The following CHST9 variants were observed in gnomAD, a reference collection of about 807,000 sequenced individuals.
CHST9 encodes carbohydrate sulfotransferase 9.
A neutral mutation model predicts 44.4 loss-of-function variants in CHST9; 41 were observed. The ratio of observed to expected loss-of-function variants is 0.92; its 90% CI spans 0.72 to 1.20. The LOEUF is 1.20. CHST9 is among the 50% of genes most tolerant of loss of function. The pLI is 0.00. For synonymous variants in CHST9, 171 were observed against 178.4 expected, an observed-to-expected ratio of 0.96 and a Z score of 0.33; for missense variants, 504 against 516.5, an observed-to-expected ratio of 0.98 and a Z score of 0.23.
intron 2 of CHST9, among the ~76,000 whole-genome samples, chr18:27,112,454 A>G (rs2058279832): frequency 6.6e-6 from 1 of 151,966 alleles, no homozygotes; most frequent in African/African-American, 2.4e-5. Flanking sequence ...CTTTGTGCAT[A>G]AGGCAAAATT....
intron 4 of CHST9, among the ~76,000 whole-genome samples, chr18:27,023,055 T>C (rs1405587327): frequency 6.6e-6 from 1 of 152,216 alleles, no homozygotes; most frequent in East Asian, 1.9e-4. Context: ...TGGTCTGATT[T>C]TGTCTTTTTC....
chr18:26,991,078 T>G (rs1333367031), intron 4 of CHST9, among the ~76,000 whole-genome samples: 1 of 152,136 alleles, frequency 6.6e-6, no homozygotes, highest in African/African-American at 2.4e-5. Flanking sequence ...CACTTACATA[T>G]TAAAATAATC....
At position 26,938,105 on chromosome 18, in the gene CHST9, T is replaced by C. The variant is rs8096203; in HGVS notation, c.240+6224A>G. 6.0e-3 allele frequency among the ~76,000 whole-genome samples: 911 copies of C among 152,280 alleles called. 11 individuals carry two copies. Among genetic ancestry groups the C allele is most frequent in the African/African-American group, 0.021 (852 of 41,554 alleles). The stretch of plus-strand genomic sequence containing the variant: ...ACCACTATTTTCTTCTTGGTGGTCA[T>C]GCTTTTAAAACATCTGAAGGCCATA... On this transcript the variant is annotated intron_variant, in intron 5 of 5. Transcript: ENST00000618847.
chr18:27,142,778 T>G lies in CHST9; in HGVS notation c.32A>C (p.Lys11Thr), dbSNP rs1446039094. The change falls in exon 2 of 6, where the codon AAA becomes ACA. Residue 11 changes from lysine to threonine, a missense_variant. By Grantham distance (78) the Lys-to-Thr change is moderately conservative (BLOSUM62 -1). Coordinates refer to ENST00000618847, the MANE Select transcript of CHST9 (RefSeq NM_031422.6). Reference sequence around the variant, plus strand: ...TATCAGCACAGAGAGGAAGACTTGTTTGGGGTTCATGACCATTTCAGATGG... The same window carrying G: ...TATCAGCACAGAGAGGAAGACTTGTGTGGGGTTCATGACCATTTCAGATGG... MQPSEMVMNPKQVFLSVLIFG... is the reference protein window; with the variant it reads MQPSEMVMNPTQVFLSVLIFG... 1 of 1,611,556 alleles carries G rather than the reference T, an allele frequency of 6.2e-7. No individual in the cohort carries two copies. Among genetic ancestry groups the G allele is most frequent in the Non-Finnish European group, 8.5e-7 (1 of 1,178,890 alleles).
Position 27,142,906 on chromosome 18 carries a change from C to G in CHST9, c.-96-1G>C. 8.5e-7 allele frequency: 1 copy of G among 1,170,632 alleles called. No individual in the cohort carries two copies. The allele number at this position is 1,170,632 out of a possible 1,614,324, so 72.5% of individuals were successfully genotyped here. On this transcript the variant is annotated splice_acceptor_variant, in intron 1 of 5. Transcript: ENST00000618847. LOFTEE classifies it low-confidence loss of function (5UTR_SPLICE). Reference sequence around the variant, plus strand: ...TAAGAGCCCAATTCCATAAAGTAACCTAGAATTTTAAAAAGAAATCTACAT... The same window carrying G: ...TAAGAGCCCAATTCCATAAAGTAACGTAGAATTTTAAAAAGAAATCTACAT...
chr18:27,108,317 G>A (rs1221091328), intron 2 of CHST9, among the ~76,000 whole-genome samples: 2 of 152,036 alleles, frequency 1.3e-5, no homozygotes, highest in African/African-American at 4.8e-5. Context: ...CATCAGTCAA[G>A]CCAGTATTCT....
At chr18:27,110,280 C>T (rs537701748) in intron 2 of CHST9, among the ~76,000 whole-genome samples, 55 of 152,026 alleles carry the variant, frequency 3.6e-4, no homozygotes, top group Middle Eastern at 3.4e-3. Flanking sequence ...AGTATTTCCT[C>T]GTTTGCATGT....
chr18:27,142,946 A>G (rs2058580492), intron 1 of CHST9, 41 bp from the exon 2 acceptor site: 2 of 733,232 alleles, frequency 2.7e-6, no homozygotes, highest in Admixed American at 5.7e-5. Context: ...CATTTCTGCT[A>G]ATATTAATTC....
intron 2 of CHST9, among the ~76,000 whole-genome samples, chr18:27,084,911 A>C (rs2143693181): frequency 6.6e-6 from 1 of 152,222 alleles, no homozygotes; most frequent in Middle Eastern, 3.4e-3. Context: ...TTTACCCAAA[A>C]GTCAATCAGG....
At chr18:27,079,835 T>C in intron 2 of CHST9, among the ~76,000 whole-genome samples, 1 of 152,146 alleles carries the variant, frequency 6.6e-6, no homozygotes, top group Non-Finnish European at 1.5e-5. Flanking sequence ...ACAACCCTCT[T>C]AAAATTTGGC....
intron 2 of CHST9, among the ~76,000 whole-genome samples, chr18:27,116,922 A>C (rs1248373158): frequency 6.6e-6 from 1 of 152,142 alleles, no homozygotes; most frequent in Non-Finnish European, 1.5e-5. Flanking sequence ...ATAGAAATGC[A>C]AATCATTTTT....
At chr18:27,141,887 T>C (rs911324478) in intron 2 of CHST9, among the ~76,000 whole-genome samples, 1 of 152,162 alleles carries the variant, frequency 6.6e-6, no homozygotes, top group Non-Finnish European at 1.5e-5. Context: ...AAGATCTGTA[T>C]GTATACATTT....
At position 26,907,432 on chromosome 18, in the gene CHST9, T is replaced by C. The variant is rs952973163; in HGVS notation, c.*8827A>G. 6.6e-5 allele frequency: 10 copies of C among 152,196 alleles called. No individual in the cohort carries two copies. The highest frequency in any genetic ancestry group is 1.3e-4 in the Non-Finnish European group (9 of 68,084). 9.4% of individuals were successfully genotyped at this position (152,196 alleles called of 1,614,324 possible). A position where few individuals can be genotyped will look rare whatever the true frequency, so the allele number is the denominator to read the frequency against. ...TAGATGAAGCAGTCCCACAAGAAACTGGGAATCTGAATCAAAGTTCGTGAT... is the reference window on the plus strand; with the variant it reads ...TAGATGAAGCAGTCCCACAAGAAACCGGGAATCTGAATCAAAGTTCGTGAT... On this transcript the variant is annotated 3_prime_UTR_variant, in exon 6 of 6. Transcript: ENST00000618847.
intron 4 of CHST9, among the ~76,000 whole-genome samples, chr18:26,995,068 T>G (rs902158775): frequency 1.3e-5 from 2 of 151,878 alleles, no homozygotes; most frequent in Non-Finnish European, 1.5e-5. Flanking sequence ...CCCATGTGAC[T>G]GAGATGGAAG....
rs2145022839 is a variant in CHST9, at chr18:26,906,982, G to C, written c.*9277C>G. On this transcript the variant is annotated 3_prime_UTR_variant, in exon 6 of 6. Coordinates refer to ENST00000618847, the MANE Select transcript of CHST9 (RefSeq NM_031422.6). ...CAGAAATATGCCTGGAGAAGAATTG[G>C]GATCATGCAGGATATAGAATGTATA... 1 of 152,390 alleles carries C rather than the reference G, an allele frequency of 6.6e-6. No homozygotes were observed. Among genetic ancestry groups the C allele is most frequent in the Middle Eastern group, 3.4e-3 (1 of 296 alleles). The allele number at this position is 152,390 out of a possible 1,614,324, so 9.4% of individuals were successfully genotyped here.
intron 5 of CHST9, among the ~76,000 whole-genome samples, chr18:26,939,843 G>A (rs189110179): frequency 1.4e-4 from 22 of 152,296 alleles, no homozygotes; most frequent in African/African-American, 5.1e-4. Flanking sequence ...GGTTACTGAA[G>A]GAAAAGGTTC....
chr18:27,101,970 G>A (rs72884315), intron 2 of CHST9, among the ~76,000 whole-genome samples: 10,273 of 152,248 alleles, frequency 0.067, 441 homozygotes, highest in East Asian at 0.14. Flanking sequence ...ATCACAGGTG[G>A]CTTCATGAGG....
Position 27,119,189 on chromosome 18 carries a change from C to G in CHST9, c.121+23500G>C, listed in dbSNP as rs1168729724. 2.0e-5 allele frequency among the ~76,000 whole-genome samples: 3 copies of G among 152,208 alleles called. No individual in the cohort carries two copies. The East Asian group carries it at 5.8e-4, about 29-fold the overall frequency. ...CCAGCATTTTTAAATGATTAACCCA[C>G]CAAACCAAGTACATTTGCCTTCTCG... On this transcript the variant is annotated intron_variant, in intron 2 of 5. Coordinates refer to ENST00000618847, the MANE Select transcript of CHST9 (RefSeq NM_031422.6).
chr18:26,958,458 CAA>C (rs111675236), intron 4 of CHST9, among the ~76,000 whole-genome samples: 2 of 123,632 alleles, frequency 1.6e-5, no homozygotes. Context: ...AAAGTAACTG[CAA>C]AAAAAAAAAA....
Sources: allele counts gnomAD v4.1 joint callset (sites outside exome capture counted in the v4.1 genomes callset), GRCh38; gene constraint gnomAD v4.1.1; transcripts MANE v1.5; gene names NCBI Gene and HGNC (gene_info 2026-07-23, HGNC 2026-07-21).